Variants in NSG2 observed in about 807,000 individuals in gnomAD.
NSG2 encodes the protein neuronal vesicle trafficking-associated protein 2.
In NSG2, 4 loss-of-function variants were observed where a neutral mutation model predicts 16.9. That is an observed-to-expected ratio of 0.24 (90% CI 0.12 to 0.54). The LOEUF is 0.54. Among genes scored for constraint, NSG2 ranks in the 20% least tolerant of loss-of-function variants. The pLI is 0.95. For missense variants in NSG2, 179 were observed against 221.1 expected, an observed-to-expected ratio of 0.81 and a Z score of 1.21; for synonymous variants, 98 against 88.7, an observed-to-expected ratio of 1.11 and a Z score of -0.59.
At chr5:174,100,335 G>T (rs1230001627) in intron 3 of NSG2, among the ~76,000 whole-genome samples, 5 of 152,242 alleles carry the variant, frequency 3.3e-5, no homozygotes, top group Non-Finnish European at 7.3e-5. Context: ...TTCTGGTGTA[G>T]TTGGTTTGAG....
At chr5:174,059,168 T>A (rs1206596416) in intron 2 of NSG2, among the ~76,000 whole-genome samples, 1 of 152,222 alleles carries the variant, frequency 6.6e-6, no homozygotes, top group Non-Finnish European at 1.5e-5. Context: ...TATAAATTAT[T>A]ATATGTATAC....
intron 3 of NSG2, among the ~76,000 whole-genome samples, chr5:174,083,018 A>G (rs552114695): frequency 6.0e-4 from 92 of 152,240 alleles, no homozygotes; most frequent in African/African-American, 2.1e-3. Context: ...TCTGCTTACC[A>G]TCCAAGACTT....
intron 3 of NSG2, among the ~76,000 whole-genome samples, chr5:174,097,857 G>T (rs1290304521): frequency 6.6e-6 from 1 of 151,066 alleles, no homozygotes; most frequent in East Asian, 1.9e-4. Flanking sequence ...GTGTGTGTGT[G>T]TGTGTGTATG....
intron 1 of NSG2, 162 bp from the exon 2 acceptor site, chr5:174,046,572 A>G: frequency 1.7e-6 from 1 of 604,876 alleles, no homozygotes; most frequent in Non-Finnish European, 2.8e-6. Flanking sequence ...TTTGTTGGAC[A>G]ATGGGAATCA....
At chr5:174,085,923 T>G (rs1760607651) in intron 3 of NSG2, among the ~76,000 whole-genome samples, 1 of 152,228 alleles carries the variant, frequency 6.6e-6, no homozygotes, top group Non-Finnish European at 1.5e-5. Flanking sequence ...ATTTTGGACT[T>G]AAACTAAAGC....
intron 2 of NSG2, among the ~76,000 whole-genome samples, chr5:174,060,637 C>A (rs1226263355): frequency 7.6e-6 from 1 of 131,108 alleles, no homozygotes; most frequent in Admixed American, 6.9e-5. Context: ...TAGCTGGGTT[C>A]TCTGCACCAG....
At chr5:174,094,931 C>T (rs1430030282) in intron 3 of NSG2, among the ~76,000 whole-genome samples, 2 of 152,198 alleles carry the variant, frequency 1.3e-5, no homozygotes, top group African/African-American at 2.4e-5. Context: ...GATTTGGTCC[C>T]TGTCCACATG....
At chr5:174,074,671 G>A (rs1171778104) in intron 3 of NSG2, among the ~76,000 whole-genome samples, 2 of 152,052 alleles carry the variant, frequency 1.3e-5, no homozygotes, top group African/African-American at 4.8e-5. Flanking sequence ...GGTGGGCCTT[G>A]CTGCTGATTC....
chr5:174,097,966 A>G (rs889657147), intron 3 of NSG2, among the ~76,000 whole-genome samples: 2 of 152,098 alleles, frequency 1.3e-5, no homozygotes, highest in Non-Finnish European at 2.9e-5. Context: ...TACTGGGCAC[A>G]GAGAAAAGGG....
chr5:174,107,658 G>A lies in NSG2; in HGVS notation c.*153G>A. The A allele has an allele frequency of 1.3e-6, 1 of 781,938 alleles. No individual in the cohort carries two copies. 48.4% of individuals were successfully genotyped at this position (781,938 alleles called of 1,614,324 possible). On this transcript the variant is annotated 3_prime_UTR_variant, in exon 5 of 5. Transcript: ENST00000303177. The surrounding 1 kb of genome is among the most constrained non-coding windows in gnomAD (Gnocchi z 4.5). Reference sequence around the variant, plus strand: ...GGGGGAAGAACGCACCAAAAACGTGGTGTGTGCTGGAGTTGTCTGAACCGA... The same window carrying A: ...GGGGGAAGAACGCACCAAAAACGTGATGTGTGCTGGAGTTGTCTGAACCGA...
At chr5:174,071,443 C>T (rs1760240056) in intron 3 of NSG2, among the ~76,000 whole-genome samples, 1 of 152,184 alleles carries the variant, frequency 6.6e-6, no homozygotes, top group Non-Finnish European at 1.5e-5. Flanking sequence ...GCTGAGATCG[C>T]ACCACTGCAC....
At chr5:174,076,336 AAAG>A (rs10562237) in intron 3 of NSG2, among the ~76,000 whole-genome samples, 20,595 of 152,064 alleles carry the variant, frequency 0.14, 1,882 homozygotes, top group African/African-American at 0.26. Context: ...AGTCTTTAAA[AAAG>A]TATTGTCATT....
chr5:174,080,399 G>A (rs1173934459), intron 3 of NSG2, among the ~76,000 whole-genome samples: 1 of 151,024 alleles, frequency 6.6e-6, no homozygotes, highest in Non-Finnish European at 1.5e-5. Context: ...TACTGTTACT[G>A]TTTACTTGGA....
At chr5:174,093,059 G>T (rs1305139073) in intron 3 of NSG2, among the ~76,000 whole-genome samples, 1 of 152,074 alleles carries the variant, frequency 6.6e-6, no homozygotes, top group African/African-American at 2.4e-5. Flanking sequence ...AGGTTTATAG[G>T]CAGTCTAACA....
rs1027104971 is a variant in NSG2, at chr5:174,081,128, A to C, written c.213+16813A>C. ...TTACCAACTTCTCTTATTATTTCTA[A>C]TAATTTCTTTAAAATTTTGATTCTT... On this transcript the variant is annotated intron_variant, in intron 3 of 4. Coordinates refer to ENST00000303177, the MANE Select transcript of NSG2 (RefSeq NM_015980.5). Among the ~76,000 whole-genome samples, 3 of 151,992 alleles carry C rather than the reference A, an allele frequency of 2.0e-5. 1 individual carries two copies. The highest frequency in any genetic ancestry group is 2.0e-4 in the Admixed American group (3 of 15,264).
At chr5:174,052,055 A>G (rs1196958784) in intron 2 of NSG2, among the ~76,000 whole-genome samples, 1 of 152,098 alleles carries the variant, frequency 6.6e-6, no homozygotes, top group Non-Finnish European at 1.5e-5. Flanking sequence ...GATTGCCCTC[A>G]TTGCTGTGAG....
At chr5:174,102,425 A>G (rs920340500) in intron 3 of NSG2, among the ~76,000 whole-genome samples, 3 of 152,202 alleles carry the variant, frequency 2.0e-5, no homozygotes, top group Non-Finnish European at 4.4e-5. Context: ...GAATCCTGCC[A>G]TATTTCTAGG....
At chr5:174,081,834 G>GA in intron 3 of NSG2, among the ~76,000 whole-genome samples, 2 of 144,536 alleles carry the variant, frequency 1.4e-5, no homozygotes, top group Non-Finnish European at 3.0e-5. Flanking sequence ...AGCTTGCAGT[G>GA]AGCCAAGATG....
rs1279642090 is a variant in NSG2 at position 174,107,771 on chromosome 5, A to G, written c.*266A>G. The G allele has an allele frequency of 3.1e-6, 2 of 648,662 alleles. No individual in the cohort carries two copies. Among genetic ancestry groups the G allele is most frequent in the African/African-American group, 1.8e-5 (1 of 56,038 alleles). 40.2% of individuals were successfully genotyped at this position (648,662 alleles called of 1,614,324 possible). ...TGTTTCGTGTTGATTGTTCCCATGTAAGATATTTTTAAAGCCACTGCTTAT... is the reference window on the plus strand; with the variant it reads ...TGTTTCGTGTTGATTGTTCCCATGTGAGATATTTTTAAAGCCACTGCTTAT... On this transcript the variant is annotated 3_prime_UTR_variant, in exon 5 of 5. Coordinates refer to ENST00000303177, the MANE Select transcript of NSG2 (RefSeq NM_015980.5). This position sits in a 1 kb window ranked among gnomAD's most constrained non-coding sequence, Gnocchi z 4.5.
Sources: allele counts gnomAD v4.1 joint callset (sites outside exome capture counted in the v4.1 genomes callset), GRCh38; gene constraint gnomAD v4.1.1; non-coding constraint Gnocchi (gnomAD v3.1); transcripts MANE v1.5; gene names NCBI Gene and HGNC (gene_info 2026-07-23, HGNC 2026-07-21).